The following NDFIP2 variants were observed in gnomAD, a reference collection of about 807,000 sequenced individuals.
NDFIP2 encodes NEDD4 family-interacting protein 2.
In NDFIP2, 19 loss-of-function variants were observed where a neutral mutation model predicts 36.0. The observed-to-expected ratio is 0.53, with a 90% CI of 0.37 to 0.77. The LOEUF is 0.77. Ranked by LOEUF, NDFIP2 falls within the 30% of genes least tolerant of loss-of-function variation. NDFIP2 has a pLI of 0.00. For missense variants in NDFIP2, 446 were observed against 435.8 expected, an observed-to-expected ratio of 1.02 and a Z score of -0.21; for synonymous variants, 181 against 167.7, an observed-to-expected ratio of 1.08 and a Z score of -0.61.
At position 79,481,393 on chromosome 13, in the gene NDFIP2, C is replaced by T. The variant is rs760083513; in HGVS notation, c.190C>T (p.Pro64Ser). Residue 64 changes from proline to serine, a missense_variant, in exon 1 of 8, where the codon CCT becomes TCT. By Grantham distance (74) the Pro-to-Ser change is moderately conservative (BLOSUM62 -1). Coordinates refer to ENST00000218652, the MANE Select transcript of NDFIP2 (RefSeq NM_019080.3). ...RGCRNGGGRG[P>S]AATTSSTGVA... ...CTGCAGGAACGGAGGCGGAAGGGGC[C>T]CTGCGGCGACGACGTCGTCGACGGG... 10 of 1,555,598 alleles carry T rather than the reference C, an allele frequency of 6.4e-6. No homozygotes were observed. In the East Asian group the frequency reaches 1.7e-4, roughly 26 times the overall value.
chr13:79,534,350 G>GTTTTTTTTTTTTTTTTT (rs532659161), intron 3 of NDFIP2, among the ~76,000 whole-genome samples: 2 of 95,404 alleles, frequency 2.1e-5, no homozygotes, highest in Non-Finnish European at 3.9e-5. Flanking sequence ...TTTGTCAGCT[G>GTTTTTTTTTTTTTTTTT]TTTTTTTTTT....
intron 1 of NDFIP2, among the ~76,000 whole-genome samples, chr13:79,510,333 A>C (rs1049698806): frequency 2.0e-5 from 3 of 147,198 alleles, no homozygotes; most frequent in African/African-American, 7.5e-5. Context: ...ACCGTAGCCT[A>C]CTCTTTGATT....
intron 1 of NDFIP2, among the ~76,000 whole-genome samples, chr13:79,484,353 G>A (rs2079831078): frequency 6.6e-6 from 1 of 152,086 alleles, no homozygotes; most frequent in African/African-American, 2.4e-5. Flanking sequence ...CCTGTACCAA[G>A]CTGACTTCTA....
At chr13:79,509,137 G>A (rs1170063848) in intron 1 of NDFIP2, among the ~76,000 whole-genome samples, 1 of 152,154 alleles carries the variant, frequency 6.6e-6, no homozygotes, top group Non-Finnish European at 1.5e-5. Flanking sequence ...AGACATGCCA[G>A]TGACACAGCC....
intron 1 of NDFIP2, among the ~76,000 whole-genome samples, chr13:79,492,600 A>G (rs1029745364): frequency 1.3e-5 from 2 of 151,992 alleles, no homozygotes; most frequent in Non-Finnish European, 2.9e-5. Context: ...GAGTCTTACT[A>G]TGTTGCCCAG....
At chr13:79,481,964 T>C (rs2079816239) in intron 1 of NDFIP2, among the ~76,000 whole-genome samples, 2 of 151,848 alleles carry the variant, frequency 1.3e-5, no homozygotes, top group African/African-American at 4.8e-5. Flanking sequence ...AGTAGGTGGG[T>C]GGAGGTGTAA....
intron 1 of NDFIP2, among the ~76,000 whole-genome samples, chr13:79,507,778 C>T (rs916622194): frequency 1.2e-4 from 18 of 151,736 alleles, no homozygotes; most frequent in African/African-American, 4.3e-4. Flanking sequence ...TCTATATCCA[C>T]CGTGGACATA....
intron 5 of NDFIP2, among the ~76,000 whole-genome samples, chr13:79,545,932 C>T (rs1875654912): frequency 6.6e-6 from 1 of 152,176 alleles, no homozygotes; most frequent in South Asian, 2.1e-4. Context: ...GACAGGGTTT[C>T]ACCGCGTTGC....
intron 3 of NDFIP2, among the ~76,000 whole-genome samples, chr13:79,536,339 C>A (rs183218906): frequency 5.3e-5 from 8 of 152,300 alleles, no homozygotes; most frequent in Admixed American, 2.6e-4. Flanking sequence ...AGAGATCTTG[C>A]ATTTACATTC....
intron 1 of NDFIP2, among the ~76,000 whole-genome samples, chr13:79,497,731 G>T (rs1198519949): frequency 7.5e-6 from 1 of 133,128 alleles, no homozygotes; most frequent in East Asian, 2.2e-4. Context: ...TTTCTTTCAT[G>T]TTGGAAGTTT....
At chr13:79,541,373 G>T (rs921665719) in intron 4 of NDFIP2, among the ~76,000 whole-genome samples, 1 of 151,126 alleles carries the variant, frequency 6.6e-6, no homozygotes, top group Non-Finnish European at 1.5e-5. Context: ...TTTATTCTTA[G>T]CCAGTGGTAG....
chr13:79,541,866 T>G lies in NDFIP2; in HGVS notation c.716-1692T>G, dbSNP rs562691320. 3.9e-5 allele frequency among the ~76,000 whole-genome samples: 6 copies of G among 152,318 alleles called. No homozygotes were observed. The South Asian group carries it at 1.2e-3, about 32-fold the overall frequency. Reference sequence around the variant, plus strand: ...ATTCTTTCCTTCTTTATTTTCAGTGTTTTACCTCACATAACCTAAAAAAAG... The same window carrying G: ...ATTCTTTCCTTCTTTATTTTCAGTGGTTTACCTCACATAACCTAAAAAAAG... On this transcript the variant is annotated intron_variant, in intron 4 of 7. Transcript: ENST00000218652.
At chr13:79,495,532 C>G (rs1273135509) in intron 1 of NDFIP2, among the ~76,000 whole-genome samples, 1 of 151,840 alleles carries the variant, frequency 6.6e-6, no homozygotes. Context: ...ATGGCAAAAA[C>G]CACAATTACT....
chr13:79,509,710 T>G (rs1594847108), intron 1 of NDFIP2, among the ~76,000 whole-genome samples: 1 of 110,404 alleles, frequency 9.1e-6, no homozygotes, highest in East Asian at 3.0e-4. Context: ...GAGAGAGAAG[T>G]TTATTAACTC....
chr13:79,501,441 G>A (rs184520588), intron 1 of NDFIP2, among the ~76,000 whole-genome samples: 1 of 152,006 alleles, frequency 6.6e-6, no homozygotes, highest in South Asian at 2.1e-4. Flanking sequence ...TACCTTATGC[G>A]GACTTTTCCT....
At chr13:79,542,421 C>T (rs1353151839) in intron 4 of NDFIP2, among the ~76,000 whole-genome samples, 1 of 152,122 alleles carries the variant, frequency 6.6e-6, no homozygotes, top group Admixed American at 6.5e-5. Context: ...TACTATTTTG[C>T]ATTCCCACCA....
At chr13:79,521,940 T>A (rs1394276593) in intron 2 of NDFIP2, among the ~76,000 whole-genome samples, 1 of 149,720 alleles carries the variant, frequency 6.7e-6, no homozygotes, top group African/African-American at 2.5e-5. Flanking sequence ...TTCTCCTGCC[T>A]CAGCCTCCCA....
intron 3 of NDFIP2, among the ~76,000 whole-genome samples, chr13:79,537,208 A>C (rs761244609): frequency 6.6e-6 from 1 of 152,050 alleles, no homozygotes; most frequent in Non-Finnish European, 1.5e-5. Context: ...CCCCAGTTCA[A>C]ATGATTCTCC....
At chr13:79,533,056 T>A (rs1166880539) in intron 2 of NDFIP2, among the ~76,000 whole-genome samples, 1 of 152,234 alleles carries the variant, frequency 6.6e-6, no homozygotes, top group Non-Finnish European at 1.5e-5. Flanking sequence ...TGTCTGGCAC[T>A]CTTTTTCAGA....
Sources: allele counts gnomAD v4.1 joint callset (sites outside exome capture counted in the v4.1 genomes callset), GRCh38; gene constraint gnomAD v4.1.1; transcripts MANE v1.5; gene names NCBI Gene and HGNC (gene_info 2026-07-23, HGNC 2026-07-21).